Variants in KIAA1217 observed in about 807,000 individuals in gnomAD.
The protein encoded by KIAA1217 is KIAA1217.
KIAA1217 carries 88 observed loss-of-function variants against 163.9 expected under a neutral mutation model. The ratio of observed to expected loss-of-function variants is 0.54; its 90% confidence interval spans 0.45 to 0.64. The LOEUF is 0.64. KIAA1217 is among the 30% of genes least tolerant of loss of function. KIAA1217 has a pLI of 0.00. For synonymous variants in KIAA1217, 903 were observed against 923.1 expected, an observed-to-expected ratio of 0.98 and a Z score of 0.39; for missense variants, 2,372 against 2,475.0, an observed-to-expected ratio of 0.96 and a Z score of 0.88.
chr10:23,782,968 A>G (rs7091414), intron 1 of KIAA1217, among the ~76,000 whole-genome samples: 34,143 of 152,050 alleles, frequency 0.22, 4,039 homozygotes, highest in African/African-American at 0.29. Flanking sequence ...TGTTAGCTGG[A>G]GGCCTTTCAT....
chr10:24,044,617 G>A (rs12256264), intron 2 of KIAA1217, among the ~76,000 whole-genome samples: 4,402 of 151,164 alleles, frequency 0.029, 186 homozygotes, highest in African/African-American at 0.089. Context: ...TTTCTCTTCC[G>A]TACTTTTATT....
At chr10:24,003,963 T>A (rs1441146363) in intron 1 of KIAA1217, among the ~76,000 whole-genome samples, 12 of 152,112 alleles carry the variant, frequency 7.9e-5, no homozygotes, top group Non-Finnish European at 1.6e-4. Context: ...CAGAGACCTT[T>A]TTTTATTTTA....
intron 1 of KIAA1217, among the ~76,000 whole-genome samples, chr10:23,847,063 C>A (rs959210513): frequency 6.6e-6 from 1 of 152,108 alleles, no homozygotes; most frequent in Non-Finnish European, 1.5e-5. Flanking sequence ...GTTGAACCAC[C>A]CTTGCCTCCC....
chr10:24,078,711 T>A (rs2061445025), intron 2 of KIAA1217, among the ~76,000 whole-genome samples: 1 of 152,140 alleles, frequency 6.6e-6, no homozygotes, highest in Non-Finnish European at 1.5e-5. Context: ...TTCAGGTTCT[T>A]CTTGCATATG....
chr10:24,505,239 T>G (rs187703259), intron 9 of KIAA1217, among the ~76,000 whole-genome samples: 69 of 150,648 alleles, frequency 4.6e-4, no homozygotes, highest in African/African-American at 1.6e-3. Flanking sequence ...TCATTCCCAG[T>G]GGCTAATCTA....
At chr10:24,314,502 C>T (rs919504460) in intron 2 of KIAA1217, among the ~76,000 whole-genome samples, 3 of 152,148 alleles carry the variant, frequency 2.0e-5, no homozygotes, top group Non-Finnish European at 4.4e-5. Context: ...TGTACATGTG[C>T]TCACGCATGT....
intron 1 of KIAA1217, among the ~76,000 whole-genome samples, chr10:23,895,931 G>A (rs1047060409): frequency 7.0e-6 from 1 of 142,914 alleles, no homozygotes; most frequent in Non-Finnish European, 1.5e-5. Flanking sequence ...TCGTAGGTGG[G>A]AATTGAACAA....
chr10:24,087,001 C>T (rs1252744994), intron 2 of KIAA1217, among the ~76,000 whole-genome samples: 3 of 152,156 alleles, frequency 2.0e-5, no homozygotes, highest in African/African-American at 7.2e-5. Flanking sequence ...CCTCATGCCC[C>T]CATTGTCCAG....
rs373100674 is a variant in KIAA1217, at chr10:24,189,843, G to A, written c.-170-29783G>A. 1.5e-4 allele frequency among the ~76,000 whole-genome samples: 23 copies of A among 152,032 alleles called. 1 individual carries two copies. The highest frequency in any genetic ancestry group is 7.9e-4 in the Admixed American group (12 of 15,260). On this transcript the variant is annotated intron_variant, in intron 2 of 18. Coordinates refer to the KIAA1217 transcript ENST00000376462. Reference sequence around the variant, plus strand: ...CCAGCCGGGGCAGCCTAGTGAGACCGCATCTCTACAAAATGAAAATTTTAA... The same window carrying A: ...CCAGCCGGGGCAGCCTAGTGAGACCACATCTCTACAAAATGAAAATTTTAA...
chr10:24,524,891 G>T, intron 13 of KIAA1217, 127 bp downstream of exon 13: 1 of 910,812 alleles, frequency 1.1e-6, no homozygotes, highest in Non-Finnish European at 1.6e-6. Flanking sequence ...TTTTGGAAGT[G>T]GAAGTGGGAT....
intron 17 of KIAA1217, 73 bp from the exon 18 acceptor site, chr10:24,542,620 C>T (rs1053474835): frequency 4.4e-6 from 7 of 1,580,294 alleles, no homozygotes; most frequent in Non-Finnish European, 6.1e-6. Context: ...ATTAAAGGAA[C>T]GATTTAGTTA....
intron 2 of KIAA1217, among the ~76,000 whole-genome samples, chr10:24,112,751 AT>A (rs1238042529): frequency 2.7e-5 from 4 of 150,914 alleles, no homozygotes; most frequent in Non-Finnish European, 4.4e-5. Context: ...TGCCCGGCCA[AT>A]TTTTTTTGTT....
At chr10:24,279,222 G>C (rs575217100) in intron 2 of KIAA1217, among the ~76,000 whole-genome samples, 1 of 150,068 alleles carries the variant, frequency 6.7e-6, no homozygotes, top group South Asian at 2.1e-4. Context: ...TTTCTTCTTT[G>C]CATTTCTAGT....
chr10:24,108,753 T>C (rs1481187329), intron 2 of KIAA1217, among the ~76,000 whole-genome samples: 2 of 152,170 alleles, frequency 1.3e-5, no homozygotes, highest in Non-Finnish European at 2.9e-5. Context: ...AATTGGAAAG[T>C]AGATGGGAAT....
Position 24,347,595 on chromosome 10 carries a change from A to G in KIAA1217, c.355-33274A>G, listed in dbSNP as rs556893996. 6.6e-5 allele frequency among the ~76,000 whole-genome samples: 10 copies of G among 152,306 alleles called. No individual in the cohort carries two copies. The South Asian group carries it at 2.1e-3, about 32-fold the overall frequency. On this transcript the variant is annotated intron_variant, in intron 2 of 20. Coordinates refer to ENST00000376454, the MANE Select transcript of KIAA1217 (RefSeq NM_019590.5). ...TTACATCACAAGTTTTATTTTTTTT[A>G]ATATTTTGTTTTCATAGCTGGGGAT... is the stretch of plus-strand genomic sequence containing the variant.
At chr10:24,383,556 G>C (rs2053604595) in intron 3 of KIAA1217, among the ~76,000 whole-genome samples, 1 of 152,226 alleles carries the variant, frequency 6.6e-6, no homozygotes, top group Admixed American at 6.5e-5. Context: ...ATCCTTTGCT[G>C]TAGAGTGCCG....
At chr10:24,138,445 C>T (rs372854207) in intron 2 of KIAA1217, among the ~76,000 whole-genome samples, 5 of 152,048 alleles carry the variant, frequency 3.3e-5, no homozygotes, top group Non-Finnish European at 5.9e-5. Flanking sequence ...ACTGAGCTGG[C>T]CTGTATATAT....
At chr10:24,316,587 C>T (rs982305170) in intron 2 of KIAA1217, among the ~76,000 whole-genome samples, 1 of 152,132 alleles carries the variant, frequency 6.6e-6, no homozygotes, top group Non-Finnish European at 1.5e-5. Flanking sequence ...CTACTAGGAA[C>T]ACGAAAATGG....
At chr10:24,507,716 A>C (rs1028355966) in intron 9 of KIAA1217, among the ~76,000 whole-genome samples, 3 of 152,234 alleles carry the variant, frequency 2.0e-5, no homozygotes, top group African/African-American at 7.2e-5. Context: ...ATTTTTTCCA[A>C]ATTTGATGAA....
Sources: gnomAD v4.1 joint callset for allele counts (sites outside exome capture counted in the v4.1 genomes callset) on GRCh38, gnomAD v4.1.1 for gene constraint, MANE v1.5 for transcripts, NCBI Gene and HGNC (gene_info 2026-07-23, HGNC 2026-07-21) for gene names.